Variants in SCARA5 observed in about 807,000 individuals in gnomAD.
SCARA5 encodes scavenger receptor class A, member 5 (putative).
SCARA5 carries 45 observed loss-of-function variants against 46.3 expected under a neutral mutation model. The observed-to-expected ratio is 0.97, with a 90% CI of 0.76 to 1.24. SCARA5 has a LOEUF of 1.24. SCARA5 is among the 50% of genes most tolerant of loss of function. The pLI, the probability that SCARA5 is intolerant of heterozygous loss-of-function variation, is 0.00. For synonymous variants in SCARA5, 333 were observed against 306.5 expected, an observed-to-expected ratio of 1.09 and a Z score of -0.90; for missense variants, 680 against 689.0, an observed-to-expected ratio of 0.99 and a Z score of 0.15.
chr8:27,979,385 T>C (rs1261983015), intron 2 of SCARA5, among the ~76,000 whole-genome samples: 2 of 152,152 alleles, frequency 1.3e-5, no homozygotes, highest in Non-Finnish European at 2.9e-5. Context: ...AAGGACTCAA[T>C]GTGGAATAAC....
intron 3 of SCARA5, among the ~76,000 whole-genome samples, chr8:27,925,030 A>T (rs1463238420): frequency 6.6e-6 from 1 of 152,258 alleles, no homozygotes; most frequent in Non-Finnish European, 1.5e-5. Context: ...CGTGAATAGG[A>T]AGAATCAATA....
chr8:27,952,527 A>G (rs966774130), intron 3 of SCARA5, among the ~76,000 whole-genome samples: 3 of 152,040 alleles, frequency 2.0e-5, no homozygotes, highest in Admixed American at 1.3e-4. Context: ...CTGCAGAGCT[A>G]CTTCCCTTAG....
intron 2 of SCARA5, among the ~76,000 whole-genome samples, chr8:27,980,780 C>T (rs1282173204): frequency 1.3e-5 from 2 of 152,178 alleles, no homozygotes; most frequent in Non-Finnish European, 1.5e-5. Flanking sequence ...GCCCTCAGGG[C>T]CCAGTATTTC....
At chr8:27,882,765 G>T (rs1442305881) in intron 7 of SCARA5, among the ~76,000 whole-genome samples, 2 of 152,174 alleles carry the variant, frequency 1.3e-5, no homozygotes, top group Admixed American at 6.5e-5. Context: ...ATCTCTGCTG[G>T]GTAGGTGGCA....
At chr8:27,950,646 A>G (rs1411579616) in intron 3 of SCARA5, among the ~76,000 whole-genome samples, 1 of 152,044 alleles carries the variant, frequency 6.6e-6, no homozygotes, top group Non-Finnish European at 1.5e-5. Context: ...AGCCCTCAGG[A>G]TGCCTCACCT....
intron 7 of SCARA5, among the ~76,000 whole-genome samples, chr8:27,882,683 C>T (rs1157318631): frequency 2.0e-5 from 3 of 152,198 alleles, no homozygotes; most frequent in African/African-American, 7.2e-5. Context: ...CTGTGAGACA[C>T]ATTGGTTCAT....
intron 7 of SCARA5, chr8:27,904,490 GCA>G (rs1455781488): frequency 1.1e-5 from 6 of 535,802 alleles, no homozygotes; most frequent in African/African-American, 5.6e-5. Context: ...GAACACTGAG[GCA>G]CAGAGATTAT....
chr8:27,943,394 G>T (rs1686434620), intron 3 of SCARA5, among the ~76,000 whole-genome samples: 1 of 151,524 alleles, frequency 6.6e-6, no homozygotes, highest in Non-Finnish European at 1.5e-5. Context: ...AGTGAGCACT[G>T]CACTCCAGCC....
chr8:27,962,307 T>C lies in SCARA5; in HGVS notation c.241+4107A>G, dbSNP rs1435215585. Reference sequence around the variant, plus strand: ...GAAAGTAATTTTAAAGACTTTCAGATTCACAGTCTCCATAAGGTGAAAACA... The same window carrying C: ...GAAAGTAATTTTAAAGACTTTCAGACTCACAGTCTCCATAAGGTGAAAACA... On this transcript the variant is annotated intron_variant, in intron 3 of 8. Transcript: ENST00000354914. Among the ~76,000 whole-genome samples the C allele has an allele frequency of 2.6e-5, 4 of 152,230 alleles. No individual in the cohort carries two copies. The East Asian group carries it at 7.7e-4, about 29-fold the overall frequency.
chr8:27,981,449 C>T (rs1325331243), intron 2 of SCARA5, among the ~76,000 whole-genome samples: 1 of 152,174 alleles, frequency 6.6e-6, no homozygotes, highest in East Asian at 1.9e-4. Context: ...CAGGAGCAGC[C>T]CTGGGTGACT....
chr8:27,921,333 C>T (rs1202923549), intron 4 of SCARA5, among the ~76,000 whole-genome samples: 1 of 152,222 alleles, frequency 6.6e-6, no homozygotes, highest in Non-Finnish European at 1.5e-5. Context: ...GCTCTCTACC[C>T]GAGGGAGGTT....
At chr8:27,971,571 G>A (rs934622891) in intron 2 of SCARA5, among the ~76,000 whole-genome samples, 1 of 152,136 alleles carries the variant, frequency 6.6e-6, no homozygotes. Context: ...CAACCACTAC[G>A]ACAACAACAG....
intron 7 of SCARA5, among the ~76,000 whole-genome samples, chr8:27,900,673 C>A (rs1418850739): frequency 6.6e-6 from 1 of 151,934 alleles, no homozygotes; most frequent in Non-Finnish European, 1.5e-5. Context: ...TTAAAAAAAA[C>A]CTGAATTCTT....
intron 3 of SCARA5, among the ~76,000 whole-genome samples, chr8:27,945,181 G>T (rs1157611228): frequency 7.3e-6 from 1 of 136,174 alleles, no homozygotes; most frequent in Non-Finnish European, 1.6e-5. Context: ...ATAATAAATT[G>T]AAAAAAAAAA....
At chr8:27,988,095 G>A (rs967869717) in intron 1 of SCARA5, among the ~76,000 whole-genome samples, 3 of 152,170 alleles carry the variant, frequency 2.0e-5, no homozygotes, top group Admixed American at 6.5e-5. Context: ...AACTAGATAT[G>A]AAGGGGCATT....
chr8:27,871,632 G>A lies in SCARA5; in HGVS notation c.*302C>T. ...AAAGGCCAAAGGGAACTGGGATATTGAGGCCTGGTGCATGGTGTTCAGAGG... is the reference window on the plus strand; with the variant it reads ...AAAGGCCAAAGGGAACTGGGATATTAAGGCCTGGTGCATGGTGTTCAGAGG... On this transcript the variant is annotated 3_prime_UTR_variant, in exon 9 of 9. Coordinates refer to ENST00000354914, the MANE Select transcript of SCARA5 (RefSeq NM_173833.6). 1 of 1,263,818 alleles carries A rather than the reference G, an allele frequency of 7.9e-7. No individual in the cohort carries two copies. Among genetic ancestry groups the A allele is most frequent in the Non-Finnish European group, 1.0e-6 (1 of 997,132 alleles). 78.3% of individuals were successfully genotyped at this position (1,263,818 alleles called of 1,614,324 possible). A position where few individuals can be genotyped will look rare whatever the true frequency, so the allele number is the denominator to read the frequency against.
chr8:27,923,615 C>T (rs192743672), intron 3 of SCARA5, among the ~76,000 whole-genome samples: 57 of 152,230 alleles, frequency 3.7e-4, no homozygotes, highest in African/African-American at 7.0e-4. Flanking sequence ...CTGTTGCTGT[C>T]GCCAGGTTGG....
intron 3 of SCARA5, among the ~76,000 whole-genome samples, chr8:27,947,729 G>T (rs1158904004): frequency 8.0e-6 from 1 of 124,320 alleles, no homozygotes; most frequent in Admixed American, 7.9e-5. Context: ...AAAAAAAAAA[G>T]TCAGGCATGG....
intron 3 of SCARA5, among the ~76,000 whole-genome samples, chr8:27,960,115 G>A (rs1228330411): frequency 6.6e-6 from 1 of 151,812 alleles, no homozygotes; most frequent in Non-Finnish European, 1.5e-5. Context: ...GTAATCCTTT[G>A]CTATTCTGAA....
Sources: gnomAD v4.1 joint callset for allele counts (sites outside exome capture counted in the v4.1 genomes callset) on GRCh38, gnomAD v4.1.1 for gene constraint, MANE v1.5 for transcripts, NCBI Gene and HGNC (gene_info 2026-07-23, HGNC 2026-07-21) for gene names.